The following DGKI variants were observed in gnomAD, a reference collection of about 807,000 sequenced individuals.
DGKI encodes the protein diacylglycerol kinase iota.
Under a neutral mutation model 147.5 loss-of-function variants are expected in DGKI, and 55 were observed. The observed-to-expected ratio is 0.37, with a 90% CI of 0.30 to 0.47. DGKI has a LOEUF of 0.47. DGKI is among the 20% of genes least tolerant of loss of function. The pLI is 1.00. For synonymous variants in DGKI, 469 were observed against 477.1 expected (o/e 0.98, Z 0.22); for missense variants, 1,007 against 1,323.8 (o/e 0.76, Z 3.71).
At chr7:137,504,205 C>G (rs76095330) in intron 21 of DGKI, among the ~76,000 whole-genome samples, 2,527 of 152,232 alleles carry the variant, frequency 0.017, 130 homozygotes, top group East Asian at 0.11. Flanking sequence ...ATGTGTTCAA[C>G]AAGATGTCAT....
At chr7:137,753,529 AAC>A (rs1333621064) in intron 1 of DGKI, among the ~76,000 whole-genome samples, 2 of 152,202 alleles carry the variant, frequency 1.3e-5, no homozygotes, top group African/African-American at 4.8e-5. Flanking sequence ...AAAGGAACGG[AAC>A]AGAGTGGGAG....
intron 23 of DGKI, among the ~76,000 whole-genome samples, chr7:137,476,069 A>G (rs1425896651): frequency 1.3e-5 from 2 of 152,174 alleles, no homozygotes; most frequent in Non-Finnish European, 2.9e-5. Flanking sequence ...GTGCTGACGT[A>G]CGGCCAAGAA....
At chr7:137,608,917 C>T (rs1820272190) in intron 10 of DGKI, 49 bp downstream of exon 10, 2 of 1,448,114 alleles carry the variant, frequency 1.4e-6, no homozygotes, top group African/African-American at 1.4e-5. Flanking sequence ...GTTGTGTCGT[C>T]AAGAAATTAT....
chr7:137,827,520 TCTC>T (rs761630863), intron 1 of DGKI, among the ~76,000 whole-genome samples: 6 of 152,170 alleles, frequency 3.9e-5, no homozygotes, highest in Non-Finnish European at 8.8e-5. Context: ...TGTGTCCCCA[TCTC>T]CTCCTATTGA....
rs761311366 is a variant in DGKI at position 137,683,342 on chromosome 7, TTATCC to T, written c.511-4695_511-4691del. On this transcript the variant is annotated intron_variant, in intron 2 of 32. Coordinates refer to ENST00000614521, the MANE Select transcript of DGKI (RefSeq NM_001321708.2). ...TCACTCTTTTATCCTTGTCACTCTT[TTATCC>T]TTGTCACTCTTTTTGTTTGTGTTTG... Among the ~76,000 whole-genome samples, 258 of 149,428 alleles carry T rather than the reference TTATCC, an allele frequency of 1.7e-3. 3 individuals are homozygous for T. The highest frequency in any genetic ancestry group is 1.8e-3 in the Non-Finnish European group (120 of 67,716).
intron 1 of DGKI, among the ~76,000 whole-genome samples, chr7:137,822,063 C>T (rs1196810630): frequency 6.6e-6 from 1 of 152,154 alleles, no homozygotes; most frequent in African/African-American, 2.4e-5. Flanking sequence ...GTGAGACCCT[C>T]TACTAAAAGC....
At chr7:137,569,080 T>A (rs1425786531) in intron 19 of DGKI, among the ~76,000 whole-genome samples, 1 of 152,088 alleles carries the variant, frequency 6.6e-6, no homozygotes, top group Non-Finnish European at 1.5e-5. Context: ...GGAGAGCCGA[T>A]GCTGTGCTTC....
chr7:137,637,890 T>C (rs927387003), intron 6 of DGKI, among the ~76,000 whole-genome samples: 1 of 152,214 alleles, frequency 6.6e-6, no homozygotes, highest in African/African-American at 2.4e-5. Context: ...GACATCAATA[T>C]TTCATGTCTG....
intron 1 of DGKI, among the ~76,000 whole-genome samples, chr7:137,774,302 TA>T (rs912526916): frequency 1.5e-4 from 22 of 149,560 alleles, no homozygotes; most frequent in Admixed American, 4.0e-4. Context: ...CCAACTGTTT[TA>T]AAAAAAAAAA....
At chr7:137,473,509 AG>A (rs1236231097) in intron 23 of DGKI, among the ~76,000 whole-genome samples, 1 of 152,170 alleles carries the variant, frequency 6.6e-6, no homozygotes, top group African/African-American at 2.4e-5. Context: ...ATGCTAAAAA[AG>A]CTATTAATTT....
intron 6 of DGKI, among the ~76,000 whole-genome samples, chr7:137,623,924 A>G (rs1370785787): frequency 1.3e-5 from 2 of 152,172 alleles, no homozygotes; most frequent in Non-Finnish European, 2.9e-5. Context: ...AACAATAATC[A>G]TTCATCTCAG....
chr7:137,632,199 C>T (rs938594989), intron 6 of DGKI, among the ~76,000 whole-genome samples: 1 of 152,110 alleles, frequency 6.6e-6, no homozygotes, highest in African/African-American at 2.4e-5. Context: ...AGAGACATTC[C>T]TCAATTAATA....
intron 21 of DGKI, among the ~76,000 whole-genome samples, chr7:137,505,756 C>A (rs556659989): frequency 8.1e-5 from 12 of 147,372 alleles, no homozygotes; most frequent in Admixed American, 2.7e-4. Flanking sequence ...ACATAGAATT[C>A]TTAAAACCCA....
intron 1 of DGKI, among the ~76,000 whole-genome samples, chr7:137,838,023 A>G (rs1282093114): frequency 1.7e-5 from 1 of 57,628 alleles, no homozygotes; most frequent in Non-Finnish European, 3.2e-5. Flanking sequence ...TTTTTTTTTT[A>G]GACAGAGTCT....
intron 1 of DGKI, among the ~76,000 whole-genome samples, chr7:137,720,926 A>C (rs1294619591): frequency 6.6e-6 from 1 of 152,202 alleles, no homozygotes; most frequent in Non-Finnish European, 1.5e-5. Flanking sequence ...GCCCTGTTAC[A>C]AAATTTTATG....
At chr7:137,791,903 T>C (rs1563199832) in intron 1 of DGKI, among the ~76,000 whole-genome samples, 3 of 152,224 alleles carry the variant, frequency 2.0e-5, no homozygotes, top group East Asian at 1.9e-4. Context: ...ACATGCGCAG[T>C]TGAATACATT....
intron 3 of DGKI, among the ~76,000 whole-genome samples, chr7:137,658,166 AAAG>A (rs942426981): frequency 3.9e-5 from 6 of 152,340 alleles, no homozygotes; most frequent in African/African-American, 9.6e-5. Flanking sequence ...CTAAAAAAGA[AAAG>A]AAGAAGAGAA....
intron 21 of DGKI, among the ~76,000 whole-genome samples, chr7:137,520,687 C>G (rs1161466085): frequency 6.6e-6 from 1 of 152,016 alleles, no homozygotes; most frequent in African/African-American, 2.4e-5. Flanking sequence ...AGAAAATTCA[C>G]AGCAAATTCT....
At position 137,416,673 on chromosome 7, in the gene DGKI, C is replaced by G. The variant is rs185174696; in HGVS notation, c.2762-4466G>C. ...ATGTCAGTGTGAGTCTGCTTCCCCC[C>G]CTCTGGAAACAGTTAAGTTCCTACT... On this transcript the variant is annotated intron_variant, in intron 28 of 32. Transcript: ENST00000614521. 5.2e-4 allele frequency among the ~76,000 whole-genome samples: 79 copies of G among 152,260 alleles called. 1 individual carries two copies. The South Asian group carries it at 5.8e-3, about 11-fold the overall frequency.
Sources: allele counts gnomAD v4.1 joint callset (sites outside exome capture counted in the v4.1 genomes callset), GRCh38; gene constraint gnomAD v4.1.1; transcripts MANE v1.5; gene names NCBI Gene and HGNC (gene_info 2026-07-23, HGNC 2026-07-21).